The following TPCN2 variants were observed in gnomAD, a reference collection of about 807,000 sequenced individuals.
TPCN2 encodes two pore channel protein 2.
A neutral mutation model predicts 111.4 loss-of-function variants in TPCN2; 92 were observed. The ratio of observed to expected loss-of-function variants is 0.83; its 90% CI spans 0.70 to 0.98. The LOEUF is 0.98. TPCN2 is among the 50% of genes least tolerant of loss of function. TPCN2 has a pLI of 0.00. For missense variants in TPCN2, 995 were observed against 980.1 expected, an observed-to-expected ratio of 1.02 and a Z score of -0.20; for synonymous variants, 405 against 414.5, an observed-to-expected ratio of 0.98 and a Z score of 0.28.
chr11:69,052,888 G>A (rs977839903), intron 1 of TPCN2, among the ~76,000 whole-genome samples: 7 of 152,256 alleles, frequency 4.6e-5, no homozygotes, highest in African/African-American at 1.7e-4. Context: ...TGAAAAAGCA[G>A]CTGCTTCACC....
chr11:69,086,079 C>G, intron 22 of TPCN2, 149 bp downstream of exon 22: 1 of 760,238 alleles, frequency 1.3e-6, no homozygotes, highest in Non-Finnish European at 2.2e-6. Context: ...GCGTGGCATC[C>G]TGGCTTGCCT....
chr11:69,088,190 C>G lies in TPCN2; in HGVS notation c.*237C>G, dbSNP rs535466005. On this transcript the variant is annotated 3_prime_UTR_variant, in exon 25 of 25. Coordinates refer to ENST00000294309, the MANE Select transcript of TPCN2 (RefSeq NM_139075.4). ...TGCCCTCCGCTTTCTTTTATAGCTG[C>G]TTCAGTGAGAATTCCCTCGTCGACT... 10 of 533,170 alleles carry G rather than the reference C, an allele frequency of 1.9e-5. No homozygotes were observed. The Admixed American group carries it at 2.1e-4, about 11-fold the overall frequency. The allele number at this position is 533,170 out of a possible 1,614,324, so 33.0% of individuals were successfully genotyped here.
At chr11:69,077,846 A>G (rs1213802454) in intron 13 of TPCN2, among the ~76,000 whole-genome samples, 1 of 152,154 alleles carries the variant, frequency 6.6e-6, no homozygotes, top group Non-Finnish European at 1.5e-5. Context: ...TGAGTGTTGA[A>G]TTTTGTTGCA....
At position 69,063,889 on chromosome 11, in the gene TPCN2, C is replaced by T. The variant is rs199846942; in HGVS notation, c.654-6C>T. ...GGCCCAGGCTGAGTGCCGTGCTCTC[C>T]CCCAGCGTCGGGCTGCTGCTGGCCA... On this transcript the variant is annotated splice_polypyrimidine_tract_variant and splice_region_variant and intron_variant, in intron 6 of 24. Coordinates refer to ENST00000294309, the MANE Select transcript of TPCN2 (RefSeq NM_139075.4). The T allele has an allele frequency of 2.1e-5, 34 of 1,613,580 alleles. No individual in the cohort carries two copies. The highest frequency in any genetic ancestry group is 1.1e-5 in the South Asian group (1 of 91,022).
Position 69,061,281 on chromosome 11 carries a change from C to T in TPCN2, c.547-1603C>T, listed in dbSNP as rs1005298754. On this transcript the variant is annotated intron_variant, in intron 5 of 24. Transcript: ENST00000294309. ...GGGCAGACACTGGCAGCTTGAGGGC[C>T]GTGGCCTGTGAGGTCTGGGAAGGGG... Among the ~76,000 whole-genome samples, 68 of 152,124 alleles carry T rather than the reference C, an allele frequency of 4.5e-4. 1 individual carries two copies. The highest frequency in any genetic ancestry group is 1.2e-3 in the African/African-American group (51 of 41,434).
rs374561381 is a variant in TPCN2, at chr11:69,089,393, C to T, written c.*1440C>T. 2.6e-4 allele frequency: 39 copies of T among 152,340 alleles called. No homozygotes were observed. The highest frequency in any genetic ancestry group is 7.9e-4 in the African/African-American group (33 of 41,574). The allele number at this position is 152,340 out of a possible 1,614,324, so 9.4% of individuals were successfully genotyped here. ...CTGTGCTTTGGGACGGCGTCCAACC[C>T]GCATTCATGTCAGGAGTGAGTCGCA... On this transcript the variant is annotated 3_prime_UTR_variant, in exon 25 of 25. Coordinates refer to ENST00000294309, the MANE Select transcript of TPCN2 (RefSeq NM_139075.4).
intron 5 of TPCN2, among the ~76,000 whole-genome samples, chr11:69,059,648 C>T (rs992265451): frequency 6.6e-6 from 1 of 152,270 alleles, no homozygotes; most frequent in Non-Finnish European, 1.5e-5. Context: ...TGCCCCAGCT[C>T]TTTCACCTGA....
Position 69,078,719 on chromosome 11 carries a change from G to C in TPCN2, c.1351-15G>C, listed in dbSNP as rs766083487. The C allele has an allele frequency of 6.2e-7, 1 of 1,613,858 alleles. No homozygotes were observed. Among genetic ancestry groups the C allele is most frequent in the Admixed American group, 1.7e-5 (1 of 60,028 alleles). ...TGCTGGGCCAGCCGGCGAGCCCTCT[G>C]TTCTGGCGTTGCAGGTGTTCCTGGT... is the stretch of plus-strand genomic sequence containing the variant. On this transcript the variant is annotated splice_polypyrimidine_tract_variant and intron_variant, in intron 14 of 24. Coordinates refer to ENST00000294309, the MANE Select transcript of TPCN2 (RefSeq NM_139075.4).
chr11:69,071,745 G>T (rs936400744), intron 10 of TPCN2, among the ~76,000 whole-genome samples, 178 bp from the exon 11 acceptor site: 1 of 152,172 alleles, frequency 6.6e-6, no homozygotes, highest in Non-Finnish European at 1.5e-5. Context: ...TGTCCCGGGA[G>T]TCTGACCAAT....
chr11:69,054,786 C>T lies in TPCN2; in HGVS notation c.240C>T (p.Asn80=), dbSNP rs146533677. 87 of 1,613,974 alleles carry T rather than the reference C, an allele frequency of 5.4e-5. No homozygotes were observed. The highest frequency in any genetic ancestry group is 2.0e-4 in the Admixed American group (12 of 60,004). ...SMWLYRRYYS[N]VCQRTLSFTI... The stretch of plus-strand genomic sequence containing the variant: ...GGCTTTACCGACGGTATTACTCGAA[C>T]GTATGCCAACGGTGAGAACGCACCC... The change falls in exon 3 of 25, where the codon AAC becomes AAT. Residue 80 remains asparagine (N), a synonymous_variant. Transcript: ENST00000294309.
At chr11:69,073,914 C>T (rs545405567) in intron 13 of TPCN2, among the ~76,000 whole-genome samples, 6 of 152,320 alleles carry the variant, frequency 3.9e-5, no homozygotes, top group Admixed American at 2.0e-4. Flanking sequence ...TGTATCCTCA[C>T]GTGGTCATCC....
At position 69,079,012 on chromosome 11, in the gene TPCN2, G is replaced by T. The variant is rs1484746585; in HGVS notation, c.1531G>T (p.Val511Phe). ...SNVFDGLLTV[V>F]LLVLEISTLA... ...CGTGTTTGACGGGCTCCTCACCGTT[G>T]TCCTGCTGGTAAAGTAGGCGCATCC... Residue 511 changes from valine to phenylalanine, a missense_variant, in exon 16 of 25, where the codon GTC becomes TTC. Val to Phe is a conservative substitution (Grantham distance 50). Transcript: ENST00000294309. 2.5e-6 allele frequency: 4 copies of T among 1,610,490 alleles called. No homozygotes were observed. The Admixed American group carries it at 5.0e-5, about 20-fold the overall frequency.
In TPCN2 at chr11:69,078,918, C is replaced by G; in HGVS notation, c.1437C>G (p.Tyr479Ter). Residue 479 changes from tyrosine (Y) to a stop codon, truncating the protein, a stop_gained, in exon 16 of 25, where the codon TAC becomes TAG. Transcript: ENST00000294309. LOFTEE classifies it high-confidence loss of function. ...LGILNCVFIV[Y>*]YLLEMLLKVF... is the part of the protein sequence containing the mutation. Reference sequence around the variant, plus strand: ...TTCTCAACTGCGTCTTCATTGTGTACTACCTGTTGGAGATGCTGCTCAAGG... The same window carrying G: ...TTCTCAACTGCGTCTTCATTGTGTAGTACCTGTTGGAGATGCTGCTCAAGG... 6.2e-7 allele frequency: 1 copy of G among 1,614,118 alleles called. No individual in the cohort carries two copies. The highest frequency in any genetic ancestry group is 2.2e-5 in the East Asian group (1 of 44,888).
chr11:69,071,265 C>T, intron 9 of TPCN2, 91 bp from the exon 10 acceptor site: 4 of 998,464 alleles, frequency 4.0e-6, no homozygotes, highest in Non-Finnish European at 6.3e-6. Flanking sequence ...GGGGACGCCC[C>T]CGGCGCTGTG....
intron 16 of TPCN2, 151 bp downstream of exon 16, chr11:69,079,171 C>A: frequency 9.6e-7 from 1 of 1,043,390 alleles, no homozygotes; most frequent in Non-Finnish European, 1.4e-6. Flanking sequence ...GGCTTCCCTG[C>A]TGGCCGAGTT....
At chr11:69,061,443 G>A (rs915919710) in intron 5 of TPCN2, among the ~76,000 whole-genome samples, 2 of 152,210 alleles carry the variant, frequency 1.3e-5, no homozygotes, top group Non-Finnish European at 2.9e-5. Flanking sequence ...ATGAGGATGC[G>A]AGACTGCAGT....
rs999676130 is a variant in TPCN2, at chr11:69,082,885, T to G, written c.1690-1060T>G. Among the ~76,000 whole-genome samples, 2 of 150,922 alleles carry G rather than the reference T, an allele frequency of 1.3e-5. 1 individual carries two copies. The highest frequency in any genetic ancestry group is 3.0e-5 in the Non-Finnish European group (2 of 67,732). ...TGCCCGGATAAGACGCATGATCGTG[T>G]GTGCACACATCGCGTGCAGATATCC... On this transcript the variant is annotated intron_variant, in intron 18 of 24. Transcript: ENST00000294309.
intron 23 of TPCN2, 151 bp from the exon 24 acceptor site, chr11:69,086,961 C>G (rs1418543632): frequency 1.5e-6 from 1 of 649,644 alleles, no homozygotes; most frequent in Non-Finnish European, 2.6e-6. Flanking sequence ...GAGGAGCCAG[C>G]AGCCTCGTGG....
At chr11:69,062,349 G>C (rs72919430) in intron 5 of TPCN2, among the ~76,000 whole-genome samples, 3 of 151,984 alleles carry the variant, frequency 2.0e-5, no homozygotes, top group Non-Finnish European at 4.4e-5. Flanking sequence ...AGTGTTGAGC[G>C]TGGGAGCAGT....
Sources: allele counts gnomAD v4.1 joint callset (sites outside exome capture counted in the v4.1 genomes callset), GRCh38; gene constraint gnomAD v4.1.1; transcripts MANE v1.5; gene names NCBI Gene and HGNC (gene_info 2026-07-23, HGNC 2026-07-21).